PTPRM: variants seen among roughly 807,000 people sequenced by gnomAD.
The protein encoded by PTPRM is receptor-type tyrosine-protein phosphatase mu.
Under a neutral mutation model 186.7 loss-of-function variants are expected in PTPRM, and 47 were observed. That is an observed-to-expected ratio of 0.25 (90% CI 0.20 to 0.32). PTPRM has a LOEUF of 0.32. Among genes scored for constraint, PTPRM ranks in the 10% least tolerant of loss-of-function variants. The pLI is 1.00. For missense variants in PTPRM, 1,494 were observed against 1,865.0 expected (o/e 0.80, Z 3.66); for synonymous variants, 668 against 674.9 (o/e 0.99, Z 0.16).
intron 4 of PTPRM, among the ~76,000 whole-genome samples, chr18:7,910,868 A>C (rs2050227162): frequency 1.3e-5 from 2 of 152,190 alleles, no homozygotes; most frequent in East Asian, 1.9e-4. Flanking sequence ...CTTTTGATTT[A>C]GTTCTAGGAA....
chr18:7,953,384 C>T (rs1486515567), intron 6 of PTPRM, among the ~76,000 whole-genome samples: 1 of 152,032 alleles, frequency 6.6e-6, no homozygotes, highest in Non-Finnish European at 1.5e-5. Context: ...ATAAAAGGCC[C>T]ATTTCATGTC....
At chr18:8,012,140 C>A (rs1286062568) in intron 7 of PTPRM, among the ~76,000 whole-genome samples, 2 of 152,220 alleles carry the variant, frequency 1.3e-5, no homozygotes, top group Non-Finnish European at 2.9e-5. Context: ...GCTACTTGAG[C>A]ACTATAGTGA....
At chr18:7,982,281 T>C (rs1482488172) in intron 7 of PTPRM, among the ~76,000 whole-genome samples, 1 of 147,072 alleles carries the variant, frequency 6.8e-6, no homozygotes, top group African/African-American at 2.6e-5. Context: ...TTTTAAGTTT[T>C]TACTTTTTTT....
intron 9 of PTPRM, among the ~76,000 whole-genome samples, chr18:8,082,903 T>A (rs2090214981): frequency 1.3e-5 from 2 of 152,144 alleles, no homozygotes; most frequent in Admixed American, 1.3e-4. Context: ...TCCATTCTTT[T>A]CGATACATGG....
chr18:8,177,296 T>C (rs1321544580), intron 14 of PTPRM, among the ~76,000 whole-genome samples: 1 of 152,220 alleles, frequency 6.6e-6, no homozygotes, highest in East Asian at 1.9e-4. Flanking sequence ...ACACATTTTT[T>C]GAGAACCTAC....
At chr18:7,713,372 A>G (rs1450022756) in intron 1 of PTPRM, among the ~76,000 whole-genome samples, 1 of 152,184 alleles carries the variant, frequency 6.6e-6, no homozygotes. Flanking sequence ...TGAACGAAGT[A>G]CTAAACATGG....
At chr18:8,285,360 C>T (rs567259058) in intron 19 of PTPRM, among the ~76,000 whole-genome samples, 7 of 152,322 alleles carry the variant, frequency 4.6e-5, no homozygotes, top group African/African-American at 1.7e-4. Flanking sequence ...TCTTTTGCCT[C>T]AGCACCACTT....
chr18:7,619,523 T>C (rs977503357), intron 1 of PTPRM, among the ~76,000 whole-genome samples: 2 of 152,190 alleles, frequency 1.3e-5, no homozygotes, highest in Non-Finnish European at 2.9e-5. Context: ...GTGATGATTA[T>C]TTAGGGTCTT....
chr18:8,008,681 C>T (rs1464619592), intron 7 of PTPRM, among the ~76,000 whole-genome samples: 3 of 152,068 alleles, frequency 2.0e-5, no homozygotes, highest in African/African-American at 4.8e-5. Flanking sequence ...TTTCTCTAAA[C>T]TTTTTGGAGG....
At chr18:8,285,059 G>A (rs528872046) in intron 19 of PTPRM, among the ~76,000 whole-genome samples, 142 of 152,244 alleles carry the variant, frequency 9.3e-4, no homozygotes, top group South Asian at 2.1e-3. Context: ...GGGGAGGACA[G>A]AGATGTTTGT....
chr18:8,180,301 C>T (rs1228127909), intron 14 of PTPRM, among the ~76,000 whole-genome samples: 2 of 152,192 alleles, frequency 1.3e-5, no homozygotes, highest in African/African-American at 4.8e-5. Flanking sequence ...AGTAGCAAAT[C>T]TGTAAGGATC....
intron 7 of PTPRM, among the ~76,000 whole-genome samples, chr18:8,005,878 T>C (rs906784591): frequency 2.0e-5 from 3 of 152,236 alleles, no homozygotes; most frequent in Non-Finnish European, 4.4e-5. Context: ...TCTTTTTTCC[T>C]GATTAAAAAT....
chr18:7,706,505 G>C lies in PTPRM; in HGVS notation c.74-67644G>C, dbSNP rs182785356. 2.7e-5 allele frequency among the ~76,000 whole-genome samples: 4 copies of C among 148,464 alleles called. No individual in the cohort carries two copies. The Admixed American group carries it at 2.7e-4, about 10-fold the overall frequency. On this transcript the variant is annotated intron_variant, in intron 1 of 32. Coordinates refer to ENST00000580170, the MANE Select transcript of PTPRM (RefSeq NM_001105244.2). ...TAATCACAGCTAATTGGGAGGCTAA[G>C]GTAGAAGGATTGCTTGGGCCTGGGA...
intron 1 of PTPRM, among the ~76,000 whole-genome samples, chr18:7,744,446 T>C (rs1301451571): frequency 6.6e-6 from 1 of 152,176 alleles, no homozygotes; most frequent in Non-Finnish European, 1.5e-5. Flanking sequence ...AGGTCTTATA[T>C]AAAAGTAAAA....
intron 32 of PTPRM, among the ~76,000 whole-genome samples, chr18:8,400,276 A>T (rs562464706): frequency 3.8e-4 from 58 of 152,332 alleles, no homozygotes; most frequent in South Asian, 2.1e-3. Flanking sequence ...CTGGAGACTG[A>T]TTCGATTGGT....
At chr18:8,038,982 G>GTT (rs143219893) in intron 7 of PTPRM, among the ~76,000 whole-genome samples, 2 of 150,546 alleles carry the variant, frequency 1.3e-5, no homozygotes, top group South Asian at 2.1e-4. Context: ...ATTTTCAGGG[G>GTT]TTTTTTTTTG....
At chr18:7,680,776 G>A (rs2039462627) in intron 1 of PTPRM, among the ~76,000 whole-genome samples, 1 of 152,204 alleles carries the variant, frequency 6.6e-6, no homozygotes, top group African/African-American at 2.4e-5. Flanking sequence ...ATAGTGAAAT[G>A]TGTCATTCTT....
chr18:8,263,377 A>G (rs1298509174), intron 19 of PTPRM, among the ~76,000 whole-genome samples: 1 of 152,126 alleles, frequency 6.6e-6, no homozygotes, highest in Non-Finnish European at 1.5e-5. Flanking sequence ...CCAAAGTGCT[A>G]GGATAACAGG....
intron 1 of PTPRM, among the ~76,000 whole-genome samples, chr18:7,696,823 A>C (rs1046377804): frequency 1.3e-5 from 2 of 152,200 alleles, no homozygotes; most frequent in South Asian, 4.1e-4. Context: ...ACCAAATGAC[A>C]TAGTATTCTG....
Sources: allele counts gnomAD v4.1 joint callset (sites outside exome capture counted in the v4.1 genomes callset), GRCh38; gene constraint gnomAD v4.1.1; transcripts MANE v1.5; gene names NCBI Gene and HGNC (gene_info 2026-07-23, HGNC 2026-07-21).